The following FKBP1A variants were observed in gnomAD, a reference collection of about 807,000 sequenced individuals.
FKBP1A encodes the protein FKBP prolyl isomerase 1A, also known as peptidyl-prolyl cis-trans isomerase FKBP1A.
In FKBP1A, 5 loss-of-function variants were observed where a neutral mutation model predicts 14.2. That is an observed-to-expected ratio of 0.35 (90% CI 0.18 to 0.74). FKBP1A has a LOEUF of 0.74. FKBP1A is among the 30% of genes least tolerant of loss of function. The pLI, the probability that FKBP1A is intolerant of heterozygous loss-of-function variation, is 0.56. For synonymous variants in FKBP1A, 42 were observed against 49.1 expected (o/e 0.86, Z 0.60); for missense variants, 53 against 138.8 (o/e 0.38, Z 3.10).
chr20:1,391,506 A>G (rs946431290), intron 2 of FKBP1A: 17 of 393,958 alleles, frequency 4.3e-5, no homozygotes, highest in Non-Finnish European at 7.6e-5. Flanking sequence ...CAGAATTTTT[A>G]AAGTTCTAGT....
intron 2 of FKBP1A, among the ~76,000 whole-genome samples, chr20:1,389,569 A>G (rs2089709100): frequency 1.3e-5 from 2 of 152,182 alleles, no homozygotes; most frequent in African/African-American, 4.8e-5. Flanking sequence ...TCCTGAGGAC[A>G]TGAGGTTGAG....
rs552945753 is a variant in FKBP1A at position 1,372,035 on chromosome 20, G to A, written c.*36+41C>T. Reference sequence around the variant, plus strand: ...AAACGCTGGGCATAACATGGGAGGAGCAAAGGCAGTGAAGGGCCCTTCAGT... The same window carrying A: ...AAACGCTGGGCATAACATGGGAGGAACAAAGGCAGTGAAGGGCCCTTCAGT... On this transcript the variant is annotated intron_variant, in intron 4 of 4. Coordinates refer to ENST00000400137, the MANE Select transcript of FKBP1A (RefSeq NM_000801.5). 3.0e-5 allele frequency: 48 copies of A among 1,590,854 alleles called. No homozygotes were observed. The Admixed American group carries it at 7.3e-4, about 24-fold the overall frequency.
intron 4 of FKBP1A, chr20:1,370,699 C>G (rs1266270830): frequency 7.1e-6 from 7 of 985,284 alleles, no homozygotes; most frequent in Admixed American, 1.2e-4. Context: ...GGGAGGGTTA[C>G]TCGGGGTGAC....
At chr20:1,380,654 A>C (rs2089607457) in intron 2 of FKBP1A, among the ~76,000 whole-genome samples, 1 of 152,164 alleles carries the variant, frequency 6.6e-6, no homozygotes, top group African/African-American at 2.4e-5. Context: ...TCAGTATAAA[A>C]CTCAGGAAAA....
At chr20:1,384,302 C>T (rs2089647862) in intron 2 of FKBP1A, among the ~76,000 whole-genome samples, 1 of 152,124 alleles carries the variant, frequency 6.6e-6, no homozygotes, top group East Asian at 1.9e-4. Flanking sequence ...CTGGGAAAGA[C>T]TCAATAAAGG....
rs2089440539 is a variant in FKBP1A, at chr20:1,369,967, T to C, written c.*142A>G. The C allele has an allele frequency of 6.6e-6, 10 of 1,515,670 alleles. No homozygotes were observed. The Admixed American group carries it at 1.9e-4, about 28-fold the overall frequency. The allele number at this position is 1,515,670 out of a possible 1,614,324, so 93.9% of individuals were successfully genotyped here. A position where few individuals can be genotyped will look rare whatever the true frequency, so the allele number is the denominator to read the frequency against. ...AAGCAAAGCTGAGTGACAGAACACA[T>C]TCAGTCAGGGCAGATGTCTATACAA... On this transcript the variant is annotated 3_prime_UTR_variant, in exon 5 of 5. Coordinates refer to ENST00000400137, the MANE Select transcript of FKBP1A (RefSeq NM_000801.5).
At chr20:1,387,774 C>G (rs919200013) in intron 2 of FKBP1A, among the ~76,000 whole-genome samples, 1 of 151,840 alleles carries the variant, frequency 6.6e-6, no homozygotes, top group African/African-American at 2.4e-5. Context: ...TCTGGGAGGT[C>G]GAGGCTACAG....
In FKBP1A at chr20:1,392,899, G is replaced by A; in HGVS notation, c.38-18C>T. 6.5e-7 allele frequency: 1 copy of A among 1,535,948 alleles called. No homozygotes were observed. Among genetic ancestry groups the A allele is most frequent in the South Asian group, 1.2e-5 (1 of 83,296 alleles). The stretch of plus-strand genomic sequence containing the variant: ...GGTGCGCCCTGAGGAGACAGAGACG[G>A]GCATGCTGAGCCGATGCGCGCGGCG... On this transcript the variant is annotated intron_variant, in intron 1 of 4. Transcript: ENST00000400137.
Position 1,370,065 on chromosome 20 carries a change from T to C in FKBP1A, c.*44A>G, listed in dbSNP as rs8392. 594,956 of 1,548,066 alleles carry C rather than the reference T, an allele frequency of 0.38. 117,870 individuals carry two copies. Among genetic ancestry groups the C allele is most frequent in the Middle Eastern group, 0.49 (2,945 of 5,986 alleles). ...TGTCTGGAGGCACCAGATCCCTCCA[T>C]GGCAGATCTGTTGGGGACAGAAAAT... is the stretch of plus-strand genomic sequence containing the variant. On this transcript the variant is annotated 3_prime_UTR_variant, in exon 5 of 5. Coordinates refer to ENST00000400137, the MANE Select transcript of FKBP1A (RefSeq NM_000801.5).
In FKBP1A at chr20:1,372,084, A is replaced by G. The variant is rs748425374; in HGVS notation, c.*28T>C. The stretch of plus-strand genomic sequence containing the variant: ...GTATTCCATTTCCTTACCCAAGAAC[A>G]GGGAGCTAAGGGAGGAGGCCATTCC... On this transcript the variant is annotated 3_prime_UTR_variant, in exon 4 of 5. Coordinates refer to ENST00000400137, the MANE Select transcript of FKBP1A (RefSeq NM_000801.5). 1 of 1,612,282 alleles carries G rather than the reference A, an allele frequency of 6.2e-7. No individual in the cohort carries two copies. Among genetic ancestry groups the G allele is most frequent in the East Asian group, 2.2e-5 (1 of 44,844 alleles).
At chr20:1,391,181 T>C (rs1012216337) in intron 2 of FKBP1A, among the ~76,000 whole-genome samples, 2 of 152,176 alleles carry the variant, frequency 1.3e-5, no homozygotes, top group Non-Finnish European at 2.9e-5. Flanking sequence ...TGTGGCTATG[T>C]ACAAGCTAGG....
At chr20:1,392,441 C>CT (rs1252284449) in intron 2 of FKBP1A, among the ~76,000 whole-genome samples, 1 of 152,168 alleles carries the variant, frequency 6.6e-6, no homozygotes, top group Non-Finnish European at 1.5e-5. Flanking sequence ...ACAAATCCTT[C>CT]CTAATGGTCC....
At chr20:1,385,784 T>C (rs963278633) in intron 2 of FKBP1A, among the ~76,000 whole-genome samples, 1 of 152,212 alleles carries the variant, frequency 6.6e-6, no homozygotes, top group African/African-American at 2.4e-5. Flanking sequence ...CAGGGATACC[T>C]CCACCCGTGG....
chr20:1,390,345 A>C, intron 2 of FKBP1A, among the ~76,000 whole-genome samples: 1 of 22,640 alleles, frequency 4.4e-5, no homozygotes, highest in South Asian at 1.5e-3. Context: ...GAAGCTGGCC[A>C]TGGGGAGGGG....
chr20:1,380,140 C>T (rs2089600636), intron 2 of FKBP1A, among the ~76,000 whole-genome samples: 1 of 151,992 alleles, frequency 6.6e-6, no homozygotes, highest in African/African-American at 2.4e-5. Flanking sequence ...ATAGCTACAA[C>T]GATGGTTTGT....
chr20:1,374,971 G>C (rs1196638941), intron 3 of FKBP1A, among the ~76,000 whole-genome samples: 1 of 152,258 alleles, frequency 6.6e-6, no homozygotes, highest in African/African-American at 2.4e-5. Context: ...CAAGTAGCTG[G>C]GATTACAGGC....
intron 3 of FKBP1A, 32 bp from the exon 4 acceptor site, chr20:1,372,272 T>G: frequency 6.2e-7 from 1 of 1,610,788 alleles, no homozygotes; most frequent in Non-Finnish European, 8.5e-7. Context: ...CAGACTCAGC[T>G]GGACACATGC....
intron 2 of FKBP1A, 44 bp from the exon 3 acceptor site, chr20:1,375,647 C>A: frequency 7.3e-7 from 1 of 1,372,168 alleles, no homozygotes; most frequent in East Asian, 2.3e-5. Context: ...AGTAATGACA[C>A]AAGACAAGTC....
rs1044812146 is a variant in FKBP1A at position 1,376,193 on chromosome 20, G to T, written c.86-590C>A. 1.3e-4 allele frequency among the ~76,000 whole-genome samples: 20 copies of T among 152,334 alleles called. 1 individual carries two copies. Among genetic ancestry groups the T allele is most frequent in the Admixed American group, 1.1e-3 (17 of 15,304 alleles). On this transcript the variant is annotated intron_variant, in intron 2 of 4. Transcript: ENST00000400137. ...CTGTGGGTCAGCACTATGGGATGTGGTAAGAGGAAGCTATAAGGCAAGCTT... is the reference window on the plus strand; with the variant it reads ...CTGTGGGTCAGCACTATGGGATGTGTTAAGAGGAAGCTATAAGGCAAGCTT...
Sources: gnomAD v4.1 joint callset for allele counts (sites outside exome capture counted in the v4.1 genomes callset) on GRCh38, gnomAD v4.1.1 for gene constraint, MANE v1.5 for transcripts, NCBI Gene and HGNC (gene_info 2026-07-23, HGNC 2026-07-21) for gene names.